The following RP1 variants were observed in gnomAD, a reference collection of about 807,000 sequenced individuals.
RP1 encodes the protein RP1 axonemal microtubule associated.
In RP1, 16 loss-of-function variants were observed where a neutral mutation model predicts 14.8. That is an observed-to-expected ratio of 1.08 (90% CI 0.73 to 1.65). The LOEUF is 1.65. Among genes scored for constraint, RP1 ranks in the 40% most tolerant of loss-of-function variants. RP1 has a pLI of 0.00. For synonymous variants in RP1, 876 were observed against 883.6 expected (o/e 0.99, Z 0.15); for missense variants, 2,631 against 2,535.0 (o/e 1.04, Z -0.81).
At chr8:54,847,114 G>A (rs7002181) in intron 25 of RP1, among the ~76,000 whole-genome samples, 53,004 of 151,862 alleles carry the variant, frequency 0.35, 9,399 homozygotes, top group Non-Finnish European at 0.38. Context: ...CTCAGGTCAA[G>A]TCAGAGACGC....
chr8:54,745,664 G>A (rs1433897202), intron 19 of RP1, among the ~76,000 whole-genome samples: 1 of 149,812 alleles, frequency 6.7e-6, no homozygotes. Context: ...TAAAGGCACT[G>A]CTGTTTCTTT....
intron 15 of RP1, among the ~76,000 whole-genome samples, chr8:54,718,433 T>C (rs1808455162): frequency 1.3e-5 from 2 of 152,206 alleles, no homozygotes; most frequent in East Asian, 1.9e-4. Flanking sequence ...TGAAGTGATC[T>C]TTGACAAAGG....
In RP1 at chr8:54,665,749, A is replaced by T. The variant is rs556819825; in HGVS notation, c.1323+1899A>T. Among the ~76,000 whole-genome samples the T allele has an allele frequency of 3.9e-5, 6 of 152,314 alleles. No individual in the cohort carries two copies. In the South Asian group the frequency reaches 1.2e-3, roughly 32 times the overall value. ...ACTTGTTCTATCTCTGGAATGAACC[A>T]GAGGAAAGAGCTGTATGAAGTGTGC... On this transcript the variant is annotated intron_variant, in intron 7 of 22. Coordinates refer to the RP1 transcript ENST00000636932.
chr8:54,679,309 C>G lies in RP1; in HGVS notation c.1479-111C>G, dbSNP rs976420426. The G allele has an allele frequency of 4.3e-6, 4 of 928,682 alleles. No homozygotes were observed. In the African/African-American group the frequency reaches 6.6e-5, roughly 15 times the overall value. 57.5% of individuals were successfully genotyped at this position (928,682 alleles called of 1,614,324 possible). On this transcript the variant is annotated intron_variant, in intron 9 of 22. Coordinates refer to the RP1 transcript ENST00000636932. The stretch of plus-strand genomic sequence containing the variant: ...GCTCTGCCTTTGAGAGCCAGATAGC[C>G]ACGTCTTTTCCCTTTCCTGCTATCT...
chr8:54,809,949 G>A (rs1384852707), intron 24 of RP1, among the ~76,000 whole-genome samples: 1 of 152,142 alleles, frequency 6.6e-6, no homozygotes, highest in Non-Finnish European at 1.5e-5. Flanking sequence ...CGAGAGTCCA[G>A]GTAAAAGCTC....
At chr8:54,842,893 C>A (rs1294631986) in intron 25 of RP1, among the ~76,000 whole-genome samples, 1 of 152,194 alleles carries the variant, frequency 6.6e-6, no homozygotes, top group Non-Finnish European at 1.5e-5. Context: ...CTACCACAGG[C>A]CTTGCCCAGG....
chr8:54,631,784 G>A (rs934747883), downstream of RP1, among the ~76,000 whole-genome samples: 4 of 151,854 alleles, frequency 2.6e-5, no homozygotes, highest in African/African-American at 9.7e-5. Context: ...GCAGGCACAC[G>A]CCACTGCGCT....
chr8:54,701,195 A>G (rs1005654757), intron 13 of RP1, among the ~76,000 whole-genome samples: 9 of 152,176 alleles, frequency 5.9e-5, no homozygotes, highest in African/African-American at 2.2e-4. Flanking sequence ...GAAAATGAAA[A>G]AAAATGATAA....
At chr8:54,705,433 G>A (rs1054547134) in intron 14 of RP1, among the ~76,000 whole-genome samples, 3 of 152,174 alleles carry the variant, frequency 2.0e-5, no homozygotes, top group Non-Finnish European at 4.4e-5. Flanking sequence ...AGCTTCCCGA[G>A]CCTTGGTATT....
At chr8:54,840,442 A>T (rs1255958269) in intron 25 of RP1, among the ~76,000 whole-genome samples, 1 of 151,874 alleles carries the variant, frequency 6.6e-6, no homozygotes, top group Non-Finnish European at 1.5e-5. Flanking sequence ...TAGTAGAGAT[A>T]GGGTTTCACC....
At chr8:54,754,456 T>C (rs1217646925) in intron 19 of RP1, among the ~76,000 whole-genome samples, 1 of 152,094 alleles carries the variant, frequency 6.6e-6, no homozygotes, top group Non-Finnish European at 1.5e-5. Flanking sequence ...ATTTTACAAG[T>C]CCGATTGATT....
intron 7 of RP1, among the ~76,000 whole-genome samples, chr8:54,667,589 G>A (rs987002106): frequency 6.6e-6 from 1 of 152,068 alleles, no homozygotes; most frequent in African/African-American, 2.4e-5. Context: ...TGTGGTTTGC[G>A]GCAGGAGCTT....
At chr8:54,854,324 AG>A (rs954888398) in intron 26 of RP1, among the ~76,000 whole-genome samples, 1 of 152,228 alleles carries the variant, frequency 6.6e-6, no homozygotes, top group African/African-American at 2.4e-5. Context: ...AAGAAACAGA[AG>A]ACAGTCCAGA....
rs532271102 is a variant in RP1, at chr8:54,717,522, T to C, written c.2212-2607T>C. Among the ~76,000 whole-genome samples, 329 of 152,230 alleles carry C rather than the reference T, an allele frequency of 2.2e-3. 1 individual carries two copies. Among genetic ancestry groups the C allele is most frequent in the African/African-American group, 7.7e-3 (320 of 41,558 alleles). On this transcript the variant is annotated intron_variant, in intron 15 of 22. Coordinates refer to the RP1 transcript ENST00000636932. ...TTGATAGATCATGTGGATTACTGAA[T>C]ATTAATGGCTGATTGAATATTGGTG...
At chr8:54,727,174 A>G (rs1238144666) in intron 17 of RP1, among the ~76,000 whole-genome samples, 2 of 152,126 alleles carry the variant, frequency 1.3e-5, no homozygotes, top group Non-Finnish European at 2.9e-5. Flanking sequence ...TAGTAATATA[A>G]TAGACGTCTC....
At chr8:54,780,874 T>C (rs1810169521) in intron 23 of RP1, 3 of 967,814 alleles carry the variant, frequency 3.1e-6, no homozygotes, top group Non-Finnish European at 3.7e-6. Flanking sequence ...CAGTTTTACA[T>C]ATACTGATTG....
chr8:54,621,365 T>C lies in RP1; in HGVS notation c.399T>C (p.Ile133=), dbSNP rs1379496459. 2.5e-6 allele frequency: 4 copies of C among 1,611,620 alleles called. No individual in the cohort carries two copies. Among genetic ancestry groups the C allele is most frequent in the Non-Finnish European group, 3.4e-6 (4 of 1,179,070 alleles). ...GGCCCTGGCTCAGCAGCCGGGCCAT[T>C]AGCGCGCACTCACCGCCCCACCCCG... The part of the protein sequence containing the change: ...RPRPWLSSRA[I]SAHSPPHPVA... Residue 133 remains isoleucine (I), a synonymous_variant, in exon 2 of 4, where the codon ATT becomes ATC. Coordinates refer to ENST00000220676, the MANE Select transcript of RP1 (RefSeq NM_006269.2).
chr8:54,754,748 G>A, intron 19 of RP1: 1 of 1,448,392 alleles, frequency 6.9e-7, no homozygotes, highest in Non-Finnish European at 9.1e-7. Flanking sequence ...TGAATTCCAA[G>A]TTCTTTGAGA....
chr8:54,620,019 G>T (rs939037938), intron 1 of RP1, among the ~76,000 whole-genome samples: 2 of 152,148 alleles, frequency 1.3e-5, no homozygotes, highest in African/African-American at 4.8e-5. Context: ...TCAGTGGATG[G>T]TTTCTGATTT....
Sources: allele counts gnomAD v4.1 joint callset (sites outside exome capture counted in the v4.1 genomes callset), GRCh38; gene constraint gnomAD v4.1.1; transcripts MANE v1.5; gene names NCBI Gene and HGNC (gene_info 2026-07-23, HGNC 2026-07-21).